Variants in CARMIL1 observed in about 807,000 individuals in gnomAD.
CARMIL1 encodes the protein capping protein regulator and myosin 1 linker 1.
CARMIL1 carries 90 observed loss-of-function variants against 177.1 expected under a neutral mutation model. That is an observed-to-expected ratio of 0.51 (90% CI 0.43 to 0.61). The LOEUF (loss-of-function observed/expected upper bound fraction) is 0.61, where lower values mean the gene tolerates loss of function less well. Ranked by LOEUF, CARMIL1 falls within the 20% of genes least tolerant of loss-of-function variation. CARMIL1 has a pLI of 0.00. For missense variants in CARMIL1, 1,380 were observed against 1,667.0 expected (o/e 0.83, Z 3.00); for synonymous variants, 577 against 606.2 (o/e 0.95, Z 0.71).
intron 35 of CARMIL1, among the ~76,000 whole-genome samples, chr6:25,607,518 C>T (rs1443171719): frequency 6.6e-6 from 1 of 152,164 alleles, no homozygotes; most frequent in African/African-American, 2.4e-5. Flanking sequence ...AGTCACGCAG[C>T]TGGTGTGTCT....
intron 2 of CARMIL1, among the ~76,000 whole-genome samples, chr6:25,309,393 A>G (rs1359934355): frequency 7.9e-5 from 12 of 151,476 alleles, no homozygotes; most frequent in Admixed American, 6.6e-4. Flanking sequence ...CACATACCAT[A>G]CATTTCACCT....
chr6:25,439,051 G>A (rs1797487249), intron 5 of CARMIL1, among the ~76,000 whole-genome samples: 1 of 152,048 alleles, frequency 6.6e-6, no homozygotes, highest in Non-Finnish European at 1.5e-5. Flanking sequence ...TTAGGTAAGT[G>A]TGGGTAAGGG....
chr6:25,385,981 G>A (rs1792119746), intron 2 of CARMIL1, among the ~76,000 whole-genome samples: 1 of 152,188 alleles, frequency 6.6e-6, no homozygotes, highest in African/African-American at 2.4e-5. Context: ...GTTACAGATT[G>A]TTTTTGGGCT....
Position 25,465,936 on chromosome 6 carries a change from G to T in CARMIL1, c.678G>T (p.Lys226Asn). 1 of 1,609,004 alleles carries T rather than the reference G, an allele frequency of 6.2e-7. No homozygotes were observed. Among genetic ancestry groups the T allele is most frequent in the Non-Finnish European group, 8.5e-7 (1 of 1,175,534 alleles). The change falls in exon 9 of 37, where the codon AAG becomes AAT. Residue 226 changes from lysine to asparagine, a missense_variant. By Grantham distance (94) the Lys-to-Asn change is moderately conservative. Transcript: ENST00000329474. ...YNQWFTKLSS[K>N]DLKLSTDVCE... ...AGTGGTTCACAAAACTGTCCTCTAAGGATCTAAAACTGGTAAGTAATCAAA... is the reference window on the plus strand; with the variant it reads ...AGTGGTTCACAAAACTGTCCTCTAATGATCTAAAACTGGTAAGTAATCAAA...
At chr6:25,573,072 G>A (rs1812249362) in intron 29 of CARMIL1, among the ~76,000 whole-genome samples, 1 of 152,116 alleles carries the variant, frequency 6.6e-6, no homozygotes, top group Admixed American at 6.5e-5. Flanking sequence ...ATCTAGAAGT[G>A]AACAAGACAG....
At chr6:25,522,970 A>T (rs557204047) in intron 23 of CARMIL1, among the ~76,000 whole-genome samples, 4 of 152,222 alleles carry the variant, frequency 2.6e-5, no homozygotes, top group African/African-American at 9.6e-5. Flanking sequence ...GCTAATTTTT[A>T]AAAATTTTTA....
intron 2 of CARMIL1, among the ~76,000 whole-genome samples, chr6:25,286,456 A>G (rs1280329629): frequency 6.6e-6 from 1 of 152,262 alleles, no homozygotes; most frequent in African/African-American, 2.4e-5. Flanking sequence ...TTAAGTTATC[A>G]GTAGAAGAAA....
chr6:25,579,290 C>A (rs1812908182), intron 29 of CARMIL1, among the ~76,000 whole-genome samples: 1 of 148,926 alleles, frequency 6.7e-6, no homozygotes, highest in Admixed American at 6.7e-5. Flanking sequence ...TCAGTCCATG[C>A]ATTTTTAAAC....
intron 36 of CARMIL1, among the ~76,000 whole-genome samples, chr6:25,611,167 A>G (rs1816476794): frequency 6.6e-6 from 1 of 152,184 alleles, no homozygotes; most frequent in African/African-American, 2.4e-5. Context: ...AAAAACAATA[A>G]CACTGCCTGC....
At chr6:25,572,065 A>T (rs924777655) in intron 29 of CARMIL1, among the ~76,000 whole-genome samples, 1 of 152,232 alleles carries the variant, frequency 6.6e-6, no homozygotes, top group Non-Finnish European at 1.5e-5. Flanking sequence ...GCTGTTAATT[A>T]TCTTAGATGT....
At chr6:25,424,160 T>C (rs1249757816) in intron 3 of CARMIL1, among the ~76,000 whole-genome samples, 3 of 152,214 alleles carry the variant, frequency 2.0e-5, no homozygotes, top group Admixed American at 1.3e-4. Context: ...TTACTAATAC[T>C]GCAGGATCTG....
chr6:25,289,353 G>A (rs1411641203), intron 2 of CARMIL1, among the ~76,000 whole-genome samples: 2 of 152,166 alleles, frequency 1.3e-5, no homozygotes, highest in Admixed American at 6.5e-5. Flanking sequence ...TACTTGGAGT[G>A]TAAAAAATGT....
intron 8 of CARMIL1, among the ~76,000 whole-genome samples, chr6:25,457,160 A>G (rs1457926714): frequency 6.6e-6 from 1 of 152,026 alleles, no homozygotes; most frequent in Non-Finnish European, 1.5e-5. Flanking sequence ...CAAGATGATG[A>G]TATGTTGGGG....
chr6:25,392,891 G>GA (rs1214185740), intron 2 of CARMIL1, among the ~76,000 whole-genome samples: 234 of 147,874 alleles, frequency 1.6e-3, no homozygotes, highest in South Asian at 5.2e-3. Context: ...TAGTGGATGG[G>GA]AAAAAAAAAA....
chr6:25,405,030 C>T (rs1013640925), intron 2 of CARMIL1, among the ~76,000 whole-genome samples: 2 of 85,270 alleles, frequency 2.3e-5, no homozygotes, highest in Admixed American at 1.3e-4. Flanking sequence ...AACCCGTCAA[C>T]GTTTCACTTC....
intron 29 of CARMIL1, among the ~76,000 whole-genome samples, chr6:25,578,950 A>T (rs190461796): frequency 6.6e-6 from 1 of 152,100 alleles, no homozygotes; most frequent in Non-Finnish European, 1.5e-5. Context: ...GAGTGATATC[A>T]ACCATCAAAT....
At chr6:25,410,579 G>C (rs1214693297) in intron 2 of CARMIL1, among the ~76,000 whole-genome samples, 2 of 140,428 alleles carry the variant, frequency 1.4e-5, no homozygotes, top group Admixed American at 7.5e-5. Context: ...ATTCTGTGTG[G>C]TCTTTATTTG....
chr6:25,499,429 G>C (rs898935089), intron 16 of CARMIL1, among the ~76,000 whole-genome samples: 2 of 152,202 alleles, frequency 1.3e-5, no homozygotes, highest in Non-Finnish European at 2.9e-5. Flanking sequence ...GGTTGTGTGT[G>C]CATGTGTGAA....
intron 2 of CARMIL1, among the ~76,000 whole-genome samples, chr6:25,419,739 T>G (rs1200428718): frequency 6.6e-6 from 1 of 152,070 alleles, no homozygotes; most frequent in Non-Finnish European, 1.5e-5. Context: ...GAGTACTTAG[T>G]TGTTGTTTTT....
Sources: gnomAD v4.1 joint callset for allele counts (sites outside exome capture counted in the v4.1 genomes callset) on GRCh38, gnomAD v4.1.1 for gene constraint, MANE v1.5 for transcripts, NCBI Gene and HGNC (gene_info 2026-07-23, HGNC 2026-07-21) for gene names.